Variants in EPHA6 observed in about 807,000 individuals in gnomAD.
EPHA6 encodes the protein ephrin type-A receptor 6.
In EPHA6, 50 loss-of-function variants were observed where a neutral mutation model predicts 112.0. The ratio of observed to expected loss-of-function variants is 0.45; its 90% confidence interval spans 0.36 to 0.56. EPHA6 has a LOEUF of 0.56. EPHA6 is among the 20% of genes least tolerant of loss of function. The pLI is 0.00. For synonymous variants in EPHA6, 529 were observed against 490.7 expected, an observed-to-expected ratio of 1.08 and a Z score of -1.03; for missense variants, 1,280 against 1,417.4, an observed-to-expected ratio of 0.90 and a Z score of 1.56.
Position 97,720,422 on chromosome 3 carries a change from C to T in EPHA6, c.2934+12C>T, listed in dbSNP as rs185745597. 244 of 1,583,276 alleles carry T rather than the reference C, an allele frequency of 1.5e-4. No individual in the cohort carries two copies. In the East Asian group the frequency reaches 4.4e-3, roughly 28 times the overall value. ...TGTCTAACCAAGATGTAAGTGCTAC[C>T]GATAGTTAAACTGCCATTTTGTGAA... On this transcript the variant is annotated intron_variant, in intron 15 of 17. Transcript: ENST00000389672.
intron 6 of EPHA6, among the ~76,000 whole-genome samples, chr3:97,429,912 C>T (rs2089398120): frequency 6.6e-6 from 1 of 152,132 alleles, no homozygotes; most frequent in African/African-American, 2.4e-5. Context: ...GCTGTGGATG[C>T]AGTATTGGCC....
At chr3:96,930,755 G>A (rs1180368504) in intron 2 of EPHA6, among the ~76,000 whole-genome samples, 3 of 152,000 alleles carry the variant, frequency 2.0e-5, no homozygotes, top group African/African-American at 7.2e-5. Context: ...ACTTTGGGAG[G>A]CTGAGGTGGG....
chr3:97,150,387 A>G lies in EPHA6; in HGVS notation c.1115-75877A>G, dbSNP rs558133637. Among the ~76,000 whole-genome samples, 5 of 152,228 alleles carry G rather than the reference A, an allele frequency of 3.3e-5. No individual in the cohort carries two copies. In the East Asian group the frequency reaches 9.7e-4, roughly 29 times the overall value. ...AAGAGATAGTGTCTTCCTGTAGAGT[A>G]AAGGACATGTTTGCTTACAGTACAG... On this transcript the variant is annotated intron_variant, in intron 3 of 17. Coordinates refer to ENST00000389672, the MANE Select transcript of EPHA6 (RefSeq NM_001080448.3).
intron 9 of EPHA6, among the ~76,000 whole-genome samples, chr3:97,480,036 C>T (rs765053316): frequency 6.6e-6 from 1 of 152,130 alleles, no homozygotes; most frequent in Non-Finnish European, 1.5e-5. Context: ...TCTAATTAAC[C>T]ACAGTGTAGA....
intron 8 of EPHA6, 122 bp from the exon 9 acceptor site, chr3:97,479,172 A>G (rs2091458831): frequency 3.6e-6 from 2 of 559,176 alleles, no homozygotes; most frequent in African/African-American, 1.9e-5. Flanking sequence ...CGTTATAAAG[A>G]TATTTTAAAA....
At chr3:97,066,774 T>C (rs995087347) in intron 3 of EPHA6, among the ~76,000 whole-genome samples, 3 of 152,204 alleles carry the variant, frequency 2.0e-5, no homozygotes, top group Non-Finnish European at 4.4e-5. Flanking sequence ...ATTGTTGTTG[T>C]TTTAATGATG....
chr3:97,697,644 C>A (rs1334971171), intron 14 of EPHA6, among the ~76,000 whole-genome samples: 2 of 152,184 alleles, frequency 1.3e-5, no homozygotes, highest in African/African-American at 4.8e-5. Context: ...CTGGTTAGAT[C>A]ATGATGAAGG....
chr3:97,510,364 G>A (rs1391280704), intron 10 of EPHA6, among the ~76,000 whole-genome samples: 4 of 152,084 alleles, frequency 2.6e-5, no homozygotes, highest in African/African-American at 7.2e-5. Context: ...CTTAGGATGG[G>A]GTTTCTGTGT....
chr3:96,997,961 T>C (rs564061849), intron 3 of EPHA6, among the ~76,000 whole-genome samples: 1 of 152,124 alleles, frequency 6.6e-6, no homozygotes, highest in South Asian at 2.1e-4. Flanking sequence ...TTGTTCTTTG[T>C]CATGATTTAT....
rs2091579912 is a variant in EPHA6 at position 97,482,460 on chromosome 3, A to G, written c.2075-1474A>G. ...AATGGATGCTTTGAGAAGTCAAGGAAAGCATGACATGTTAAAATTAGTGTC... is the reference window on the plus strand; with the variant it reads ...AATGGATGCTTTGAGAAGTCAAGGAGAGCATGACATGTTAAAATTAGTGTC... On this transcript the variant is annotated intron_variant, in intron 9 of 17. Transcript: ENST00000389672. Among the ~76,000 whole-genome samples, 4 of 152,248 alleles carry G rather than the reference A, an allele frequency of 2.6e-5. No homozygotes were observed. In the South Asian group the frequency reaches 8.3e-4, roughly 32 times the overall value.
intron 3 of EPHA6, among the ~76,000 whole-genome samples, chr3:97,126,897 G>GAAAAAAAAAA (rs11463537): frequency 7.9e-6 from 1 of 126,438 alleles, no homozygotes; most frequent in Admixed American, 7.8e-5. Context: ...GGGAGAAGGT[G>GAAAAAAAAAA]AAAAAAAAAA....
chr3:97,339,675 A>G (rs2083213636), intron 5 of EPHA6, among the ~76,000 whole-genome samples: 1 of 152,220 alleles, frequency 6.6e-6, no homozygotes, highest in Non-Finnish European at 1.5e-5. Context: ...GGCTTTTCAC[A>G]AGACTTGGGA....
At chr3:97,179,574 G>A (rs370491369) in intron 3 of EPHA6, among the ~76,000 whole-genome samples, 5 of 152,050 alleles carry the variant, frequency 3.3e-5, no homozygotes, top group African/African-American at 1.2e-4. Context: ...CTGCTTTAGT[G>A]GGGACCTCAG....
intron 3 of EPHA6, among the ~76,000 whole-genome samples, chr3:97,119,264 T>C (rs2047977543): frequency 6.6e-6 from 1 of 152,028 alleles, no homozygotes; most frequent in Non-Finnish European, 1.5e-5. Context: ...ACTTCATTCA[T>C]ACAACTGCTT....
chr3:97,731,680 T>C (rs1203307270), intron 15 of EPHA6, among the ~76,000 whole-genome samples: 1 of 152,068 alleles, frequency 6.6e-6, no homozygotes, highest in African/African-American at 2.4e-5. Flanking sequence ...AATAATAAAG[T>C]ATTTTGAGAC....
chr3:96,855,561 G>A (rs2107395987), intron 1 of EPHA6, among the ~76,000 whole-genome samples: 1 of 152,102 alleles, frequency 6.6e-6, no homozygotes, highest in Non-Finnish European at 1.5e-5. Flanking sequence ...TGTTACATTT[G>A]AGAGGCCTCC....
chr3:97,050,662 TA>T (rs774329041), intron 3 of EPHA6, among the ~76,000 whole-genome samples: 14 of 152,176 alleles, frequency 9.2e-5, no homozygotes, highest in Non-Finnish European at 1.6e-4. Context: ...ATTCTAAAAA[TA>T]CGTGACTGGG....
rs2107318988 is a variant in EPHA6 at position 97,448,593 on chromosome 3, C to T, written c.1757C>T (p.Ser586Phe). 6.2e-7 allele frequency: 1 copy of T among 1,613,418 alleles called. No individual in the cohort carries two copies. Among genetic ancestry groups the T allele is most frequent in the African/African-American group, 1.3e-5 (1 of 75,008 alleles). ...GAACATGAGCAGCTGACCTACTCTT[C>T]CACAAGGTCCAAAGCCCCCAGTGTC... ...EKEHEQLTYSSTRSKAPSVII... is the reference protein window; with the variant it reads ...EKEHEQLTYSFTRSKAPSVII... The change falls in exon 7 of 18, where the codon TCC (serine) becomes TTC (phenylalanine). Residue 586 changes from serine to phenylalanine, a missense_variant. By Grantham distance (155) the Ser-to-Phe change is radical (BLOSUM62 -2). Around this residue, in one of 4 missense-constraint regions of EPHA6, gnomAD observed 878 missense variants for 999.7 expected, o/e 0.88. Transcript: ENST00000389672.
intron 6 of EPHA6, among the ~76,000 whole-genome samples, chr3:97,425,416 A>G (rs2089030509): frequency 6.6e-6 from 1 of 152,202 alleles, no homozygotes. Flanking sequence ...GAAAGCTTCT[A>G]AAGTTTGGGG....
Sources: gnomAD v4.1 joint callset for allele counts (sites outside exome capture counted in the v4.1 genomes callset) on GRCh38, gnomAD v4.1.1 for gene constraint, gnomAD v4.1.1 regional missense constraint, MANE v1.5 for transcripts, NCBI Gene and HGNC (gene_info 2026-07-23, HGNC 2026-07-21) for gene names.